Variants in CCDC91 observed in about 807,000 individuals in gnomAD.
CCDC91 encodes the protein coiled-coil domain-containing protein 91.
A neutral mutation model predicts 63.2 loss-of-function variants in CCDC91; 48 were observed. The ratio of observed to expected loss-of-function variants is 0.76; its 90% CI spans 0.60 to 0.97. The LOEUF is 0.97. Among genes scored for constraint, CCDC91 ranks in the 50% least tolerant of loss-of-function variants. The pLI is 0.00. For synonymous variants in CCDC91, 167 were observed against 165.8 expected (o/e 1.01, Z -0.06); for missense variants, 500 against 494.6 (o/e 1.01, Z -0.10).
Position 28,387,361 on chromosome 12 carries a change from T to C in CCDC91, c.655-3943T>C, listed in dbSNP as rs1945668787. On this transcript the variant is annotated intron_variant, in intron 7 of 12. Transcript: ENST00000536442. ...ATTTAGCTCCACTCTTAACTCCAGC[T>C]TCTGTACTCCAGCTATTAGTTTTGT... is the stretch of plus-strand genomic sequence containing the variant. Among the ~76,000 whole-genome samples, 7 of 152,132 alleles carry C rather than the reference T, an allele frequency of 4.6e-5. No individual in the cohort carries two copies. The South Asian group carries it at 1.4e-3, about 31-fold the overall frequency.
At chr12:28,442,929 A>G (rs992188238) in intron 8 of CCDC91, among the ~76,000 whole-genome samples, 7 of 152,062 alleles carry the variant, frequency 4.6e-5, no homozygotes, top group Admixed American at 3.3e-4. Flanking sequence ...ACTGTTTCCT[A>G]TAAGAAGAAA....
intron 6 of CCDC91, among the ~76,000 whole-genome samples, 175 bp downstream of exon 6, chr12:28,307,924 GAGTCT>G (rs1387127268): frequency 6.6e-6 from 1 of 151,964 alleles, no homozygotes; most frequent in Non-Finnish European, 1.5e-5. Flanking sequence ...TGAAAAATAT[GAGTCT>G]GTGAGCAGCC....
chr12:28,399,929 C>T (rs559710233), intron 8 of CCDC91, among the ~76,000 whole-genome samples: 318 of 152,276 alleles, frequency 2.1e-3, no homozygotes, highest in African/African-American at 7.5e-3. Context: ...GTGGCTTTTC[C>T]AGGCGCACAG....
At chr12:28,245,307 AATG>A (rs1945655353) in intron 1 of CCDC91, among the ~76,000 whole-genome samples, 1 of 152,172 alleles carries the variant, frequency 6.6e-6, no homozygotes, top group African/African-American at 2.4e-5. Context: ...AATCAGGAAA[AATG>A]ATCCATATCA....
chr12:28,315,116 A>G (rs1939709711), intron 6 of CCDC91, among the ~76,000 whole-genome samples: 1 of 151,530 alleles, frequency 6.6e-6, no homozygotes, highest in Non-Finnish European at 1.5e-5. Context: ...TATAGAAAGA[A>G]CAACATGTTA....
intron 7 of CCDC91, among the ~76,000 whole-genome samples, chr12:28,377,075 G>C (rs1207530442): frequency 6.6e-6 from 1 of 150,478 alleles, no homozygotes; most frequent in East Asian, 1.9e-4. Context: ...ACTGTGTAAG[G>C]AATCTCTTTT....
At chr12:28,353,999 C>T (rs1943357792) in intron 6 of CCDC91, among the ~76,000 whole-genome samples, 2 of 152,080 alleles carry the variant, frequency 1.3e-5, no homozygotes, top group Non-Finnish European at 2.9e-5. Context: ...CCCCATGACC[C>T]AAGTTTTCTA....
At chr12:28,222,296 G>A (rs145031432) in intron 1 of CCDC91, among the ~76,000 whole-genome samples, 475 of 152,032 alleles carry the variant, frequency 3.1e-3, no homozygotes, top group Non-Finnish European at 4.4e-3. Flanking sequence ...CAGGGGTGGC[G>A]GTGGTGGTGG....
At chr12:28,509,115 C>T (rs759024414) in intron 12 of CCDC91, among the ~76,000 whole-genome samples, 16 of 151,894 alleles carry the variant, frequency 1.1e-4, no homozygotes, top group Non-Finnish European at 1.3e-4. Flanking sequence ...CAGGAACCAC[C>T]GTAGTTGTGT....
rs368812672 is a variant in CCDC91, at chr12:28,489,250, C to T, written c.1215+5085C>T. Among the ~76,000 whole-genome samples the T allele has an allele frequency of 1.3e-4, 20 of 151,974 alleles. No homozygotes were observed. The South Asian group carries it at 3.9e-3, about 30-fold the overall frequency. On this transcript the variant is annotated intron_variant, in intron 12 of 12. Coordinates refer to ENST00000536442, the MANE Select transcript of CCDC91 (RefSeq NM_018318.5). Reference sequence around the variant, plus strand: ...GTGCTATTCTGGAGAAGATTTCTCTCTATGTATTAATTGCCAGATAAGATA... The same window carrying T: ...GTGCTATTCTGGAGAAGATTTCTCTTTATGTATTAATTGCCAGATAAGATA...
rs3064681 is a variant in CCDC91 at position 28,244,494 on chromosome 12, CTTTTTTTTTTTTTTTTTT to C, written c.-14-12693_-14-12676del. On this transcript the variant is annotated intron_variant, in intron 1 of 12. Coordinates refer to ENST00000536442, the MANE Select transcript of CCDC91 (RefSeq NM_018318.5). Reference sequence around the variant, plus strand: ...GAAACTTGGACAATGTAGAAGAAGGCTTTTTTTTTTTTTTTTTTTTTTTTTTTTTTTTACAGCTCTACT... The same window carrying C: ...GAAACTTGGACAATGTAGAAGAAGGCTTTTTTTTTTTTTTACAGCTCTACT... 2.1e-4 allele frequency among the ~76,000 whole-genome samples: 8 copies of C among 38,426 alleles called. No individual in the cohort carries two copies. In the East Asian group the frequency reaches 6.0e-3, roughly 29 times the overall value. The allele number at this position is 38,426 out of a possible 152,430, so 25.2% of individuals were successfully genotyped here.
intron 11 of CCDC91, among the ~76,000 whole-genome samples, chr12:28,478,523 A>G (rs1458903071): frequency 6.6e-6 from 1 of 152,196 alleles, no homozygotes; most frequent in Non-Finnish European, 1.5e-5. Flanking sequence ...AAGAAAACCT[A>G]GGCAATACCA....
chr12:28,460,767 T>A (rs1283609239), intron 11 of CCDC91, among the ~76,000 whole-genome samples: 1 of 151,330 alleles, frequency 6.6e-6, no homozygotes, highest in Non-Finnish European at 1.5e-5. Context: ...ATCAAAGGGA[T>A]ATTATATATA....
chr12:28,201,812 G>A (rs1385019905), intron 1 of CCDC91, among the ~76,000 whole-genome samples: 14 of 144,976 alleles, frequency 9.7e-5, no homozygotes, highest in African/African-American at 2.5e-4. Flanking sequence ...GATCACTCGC[G>A]GCTAGGAGCT....
At position 28,399,467 on chromosome 12, in the gene CCDC91, C is replaced by G. The variant is rs556170335; in HGVS notation, c.762+8056C>G. Among the ~76,000 whole-genome samples, 4 of 152,266 alleles carry G rather than the reference C, an allele frequency of 2.6e-5. No homozygotes were observed. In the South Asian group the frequency reaches 8.3e-4, roughly 32 times the overall value. ...GCCAAACCATATCATTTCACCCTGA[C>G]CACTCCCAAATCTCTTGACTTCACA... is the stretch of plus-strand genomic sequence containing the variant. On this transcript the variant is annotated intron_variant, in intron 8 of 12. Transcript: ENST00000536442.
chr12:28,480,677 A>G (rs147987552), intron 11 of CCDC91, among the ~76,000 whole-genome samples: 166 of 152,182 alleles, frequency 1.1e-3, no homozygotes, highest in African/African-American at 3.8e-3. Context: ...ATAATTAGAT[A>G]ATATGCATGT....
intron 6 of CCDC91, among the ~76,000 whole-genome samples, chr12:28,341,622 C>T (rs1942431067): frequency 6.6e-6 from 1 of 152,188 alleles, no homozygotes; most frequent in Non-Finnish European, 1.5e-5. Flanking sequence ...TGCCATTATT[C>T]TGCCTATTAC....
intron 11 of CCDC91, among the ~76,000 whole-genome samples, chr12:28,483,619 AC>A (rs1225494131): frequency 6.6e-6 from 1 of 152,116 alleles, no homozygotes; most frequent in African/African-American, 2.4e-5. Context: ...TGTAAATCTT[AC>A]CACTCAGACC....
chr12:28,382,070 CTTG>C (rs1945328839), intron 7 of CCDC91, among the ~76,000 whole-genome samples: 2 of 152,006 alleles, frequency 1.3e-5, no homozygotes, highest in African/African-American at 4.8e-5. Flanking sequence ...AGTATTTATA[CTTG>C]TTATCTAAGT....
Sources: allele counts gnomAD v4.1 joint callset (sites outside exome capture counted in the v4.1 genomes callset), GRCh38; gene constraint gnomAD v4.1.1; transcripts MANE v1.5; gene names NCBI Gene and HGNC (gene_info 2026-07-23, HGNC 2026-07-21).